Variants in GNAQ observed in about 807,000 individuals in gnomAD.
GNAQ encodes G protein subunit alpha q, also known as guanine nucleotide-binding protein G(q) subunit alpha.
In GNAQ, 8 loss-of-function variants were observed where a neutral mutation model predicts 43.9. The observed-to-expected ratio is 0.18, with a 90% CI of 0.11 to 0.33. The LOEUF is 0.33. GNAQ is among the 10% of genes least tolerant of loss of function. The pLI is 1.00. For missense variants in GNAQ, 158 were observed against 450.8 expected, an observed-to-expected ratio of 0.35 and a Z score of 5.88; for synonymous variants, 155 against 170.7, an observed-to-expected ratio of 0.91 and a Z score of 0.71.
intron 2 of GNAQ, among the ~76,000 whole-genome samples, chr9:77,857,904 C>T (rs1030196758): frequency 2.7e-5 from 4 of 149,142 alleles, no homozygotes; most frequent in Non-Finnish European, 5.9e-5. Flanking sequence ...GAATTGAGGT[C>T]ACATGTTTCA....
At chr9:77,770,435 C>A (rs2118369293) in intron 5 of GNAQ, among the ~76,000 whole-genome samples, 1 of 152,298 alleles carries the variant, frequency 6.6e-6, no homozygotes, top group South Asian at 2.1e-4. Flanking sequence ...AACTCGAGGC[C>A]AGTGCCTGCC....
chr9:78,019,156 GAT>G (rs1823873998), intron 1 of GNAQ, among the ~76,000 whole-genome samples: 3 of 152,208 alleles, frequency 2.0e-5, no homozygotes, highest in Non-Finnish European at 4.4e-5. Context: ...AGATGTATTG[GAT>G]AAGGAAACAC....
At chr9:77,809,255 G>A (rs1826877095) in intron 3 of GNAQ, among the ~76,000 whole-genome samples, 1 of 152,200 alleles carries the variant, frequency 6.6e-6, no homozygotes, top group South Asian at 2.1e-4. Context: ...GCTCCCTGGA[G>A]GGGAATTCGG....
At chr9:77,826,909 AC>A (rs2118540390) in intron 2 of GNAQ, among the ~76,000 whole-genome samples, 1 of 152,354 alleles carries the variant, frequency 6.6e-6, no homozygotes, top group East Asian at 1.9e-4. Context: ...CAGTAAAACA[AC>A]GCTTTTGGGT....
intron 3 of GNAQ, among the ~76,000 whole-genome samples, chr9:77,804,202 C>A (rs905321181): frequency 6.6e-6 from 1 of 152,014 alleles, no homozygotes; most frequent in Non-Finnish European, 1.5e-5. Context: ...TTAAAAAGAA[C>A]CACCCCTCCC....
chr9:77,771,991 C>T (rs901534493), intron 5 of GNAQ, among the ~76,000 whole-genome samples: 4 of 152,102 alleles, frequency 2.6e-5, no homozygotes, highest in Admixed American at 6.5e-5. Context: ...TTCACCCTTC[C>T]GCCCAATGCC....
intron 2 of GNAQ, among the ~76,000 whole-genome samples, chr9:77,916,879 C>G (rs1044783421): frequency 6.6e-6 from 1 of 152,152 alleles, no homozygotes; most frequent in Non-Finnish European, 1.5e-5. Flanking sequence ...ATTCTTTTCT[C>G]TTCCCAGGAC....
chr9:77,843,814 T>A (rs1269147224), intron 2 of GNAQ, among the ~76,000 whole-genome samples: 1 of 152,196 alleles, frequency 6.6e-6, no homozygotes, highest in South Asian at 2.1e-4. Context: ...GGGTCAGTCA[T>A]GGCTTACTCA....
chr9:77,977,237 C>T (rs1823313822), intron 1 of GNAQ, among the ~76,000 whole-genome samples: 1 of 152,104 alleles, frequency 6.6e-6, no homozygotes, highest in Admixed American at 6.6e-5. Context: ...CCTTCCCTGG[C>T]CCTTCTCCAC....
At chr9:77,935,559 C>T (rs1015324376) in intron 1 of GNAQ, among the ~76,000 whole-genome samples, 1 of 152,126 alleles carries the variant, frequency 6.6e-6, no homozygotes, top group Non-Finnish European at 1.5e-5. Flanking sequence ...CATGAAATGT[C>T]CCTGTTCTTT....
intron 1 of GNAQ, among the ~76,000 whole-genome samples, chr9:77,968,310 T>C (rs1823194693): frequency 6.6e-6 from 1 of 152,200 alleles, no homozygotes; most frequent in Admixed American, 6.5e-5. Context: ...CCACTTCAGA[T>C]GAAATTAAAT....
chr9:77,947,417 C>T (rs1822918284), intron 1 of GNAQ, among the ~76,000 whole-genome samples: 1 of 152,134 alleles, frequency 6.6e-6, no homozygotes, highest in African/African-American at 2.4e-5. Context: ...CAGTGCCATC[C>T]CATGTTATCT....
intron 2 of GNAQ, among the ~76,000 whole-genome samples, chr9:77,839,634 T>A (rs1338085702): frequency 6.6e-6 from 1 of 152,172 alleles, no homozygotes; most frequent in South Asian, 2.1e-4. Context: ...CCCTGAAGCA[T>A]CATGTGGGCC....
intron 5 of GNAQ, among the ~76,000 whole-genome samples, chr9:77,737,484 G>T (rs1825591535): frequency 6.6e-6 from 1 of 152,102 alleles, no homozygotes; most frequent in Non-Finnish European, 1.5e-5. Context: ...TAAGTTGATG[G>T]CTATAATTTG....
At chr9:77,806,439 A>G (rs1826830749) in intron 3 of GNAQ, among the ~76,000 whole-genome samples, 1 of 152,220 alleles carries the variant, frequency 6.6e-6, no homozygotes, top group Non-Finnish European at 1.5e-5. Context: ...CTGGCACAAT[A>G]TATGTTAAAA....
intron 1 of GNAQ, among the ~76,000 whole-genome samples, chr9:77,992,361 G>A (rs558109263): frequency 3.3e-5 from 5 of 152,112 alleles, no homozygotes; most frequent in African/African-American, 9.7e-5. Flanking sequence ...CAAGTTAACC[G>A]TAGACTGGAA....
chr9:77,752,446 C>T lies in GNAQ; in HGVS notation c.736-23779G>A, dbSNP rs144100424. Among the ~76,000 whole-genome samples the T allele has an allele frequency of 1.2e-3, 178 of 152,310 alleles. 2 individuals carry two copies. In the Middle Eastern group the frequency reaches 0.027, roughly 23 times the overall value. ...GTAGGTACTGAATGTGTGCTTCACA[C>T]TTCCCCTCAAGGACTCAGAAATGAA... On this transcript the variant is annotated intron_variant, in intron 5 of 6. Coordinates refer to ENST00000286548, the MANE Select transcript of GNAQ (RefSeq NM_002072.5).
At chr9:77,963,705 G>A (rs1162627008) in intron 1 of GNAQ, among the ~76,000 whole-genome samples, 1 of 152,162 alleles carries the variant, frequency 6.6e-6, no homozygotes, top group Non-Finnish European at 1.5e-5. Flanking sequence ...TGCTTATTAT[G>A]AGAGTGGTTT....
intron 5 of GNAQ, among the ~76,000 whole-genome samples, chr9:77,788,686 TCTCA>T (rs1416962290): frequency 1.3e-5 from 2 of 152,214 alleles, no homozygotes; most frequent in African/African-American, 4.8e-5. Flanking sequence ...TACTCTTTTC[TCTCA>T]CTCAAACAGT....
Sources: allele counts gnomAD v4.1 joint callset (sites outside exome capture counted in the v4.1 genomes callset), GRCh38; gene constraint gnomAD v4.1.1; transcripts MANE v1.5; gene names NCBI Gene and HGNC (gene_info 2026-07-23, HGNC 2026-07-21).